Variants in AP4E1 observed in about 807,000 individuals in gnomAD.
The protein encoded by AP4E1 is AP-4 complex subunit epsilon-1.
In AP4E1, 56 loss-of-function variants were observed where a neutral mutation model predicts 128.2. The ratio of observed to expected loss-of-function variants is 0.44; its 90% CI spans 0.35 to 0.55. The LOEUF is 0.55. Among genes scored for constraint, AP4E1 ranks in the 20% least tolerant of loss-of-function variants. The pLI is 0.00. For missense variants in AP4E1, 1,324 were observed against 1,307.7 expected, an observed-to-expected ratio of 1.01 and a Z score of -0.19; for synonymous variants, 484 against 473.1, an observed-to-expected ratio of 1.02 and a Z score of -0.30.
intron 18 of AP4E1, 63 bp downstream of exon 18, chr15:50,997,946 C>T: frequency 7.8e-7 from 1 of 1,282,902 alleles, no homozygotes; most frequent in Non-Finnish European, 1.1e-6. Flanking sequence ...TTTTCCTGTG[C>T]TCTTTAAATG....
chr15:50,972,698 G>A (rs978512751), intron 15 of AP4E1, among the ~76,000 whole-genome samples: 4 of 152,308 alleles, frequency 2.6e-5, no homozygotes, highest in Non-Finnish European at 4.4e-5. Context: ...TGAGGTTGGG[G>A]CCATGGAGCT....
intron 16 of AP4E1, among the ~76,000 whole-genome samples, chr15:50,989,551 T>C (rs1291308667): frequency 6.6e-6 from 1 of 152,058 alleles, no homozygotes; most frequent in Non-Finnish European, 1.5e-5. Flanking sequence ...ATTTTGATAC[T>C]CCAAGCATGG....
Position 50,993,525 on chromosome 15 carries a change from A to T in AP4E1, c.2246A>T (p.Asp749Val). ...ENVDQAITKK[D>V]QSQVLTQSKE... ...GTAGATCAAGCTATAACTAAAAAGG[A>T]TCAATCTCAAGTTCTTACCCAATCT... Residue 749 changes from aspartate (D) to valine (V), a missense_variant, in exon 17 of 21, where the codon GAT (aspartate) becomes GTT (valine). Transcript: ENST00000261842. 1 of 1,614,032 alleles carries T rather than the reference A, an allele frequency of 6.2e-7. No individual in the cohort carries two copies. Among genetic ancestry groups the T allele is most frequent in the East Asian group, 2.2e-5 (1 of 44,844 alleles).
chr15:50,959,583 G>C (rs558523846), intron 14 of AP4E1, among the ~76,000 whole-genome samples: 1 of 152,312 alleles, frequency 6.6e-6, no homozygotes, highest in Non-Finnish European at 1.5e-5. Flanking sequence ...ACATCTGGGA[G>C]TGAAAAGATA....
chr15:50,968,471 C>G, intron 15 of AP4E1, 94 bp downstream of exon 15: 1 of 933,194 alleles, frequency 1.1e-6, no homozygotes, highest in East Asian at 2.8e-5. Flanking sequence ...TATTTACTTT[C>G]TATTATTTCT....
intron 15 of AP4E1, among the ~76,000 whole-genome samples, chr15:50,968,956 A>G (rs1025452942): frequency 2.4e-4 from 37 of 151,906 alleles, no homozygotes; most frequent in African/African-American, 8.9e-4. Flanking sequence ...TTTTTTGATA[A>G]TATATTTATT....
chr15:50,928,872 C>A, intron 5 of AP4E1, 137 bp from the exon 6 acceptor site: 1 of 846,472 alleles, frequency 1.2e-6, no homozygotes, highest in Non-Finnish European at 1.8e-6. Context: ...ATAAATTAAT[C>A]ACAAATGTAT....
At chr15:50,953,475 T>G (rs1207602199) in intron 13 of AP4E1, among the ~76,000 whole-genome samples, 1 of 152,230 alleles carries the variant, frequency 6.6e-6, no homozygotes, top group African/African-American at 2.4e-5. Context: ...TGATGAAATC[T>G]TGAGCCATCC....
At chr15:50,925,507 A>G (rs1247133428) in intron 5 of AP4E1, among the ~76,000 whole-genome samples, 3 of 152,112 alleles carry the variant, frequency 2.0e-5, no homozygotes, top group Admixed American at 6.5e-5. Context: ...TTCCTTGGCT[A>G]TATGGGGTTG....
chr15:50,910,521 C>T (rs2063553543), intron 1 of AP4E1, among the ~76,000 whole-genome samples: 1 of 152,062 alleles, frequency 6.6e-6, no homozygotes, highest in African/African-American at 2.4e-5. Flanking sequence ...AATAGAAGTG[C>T]TAAAAGAGAA....
chr15:50,925,027 A>G, intron 4 of AP4E1, 71 bp from the exon 5 acceptor site: 1 of 1,559,054 alleles, frequency 6.4e-7, no homozygotes, highest in South Asian at 1.1e-5. Context: ...TAGGACCATT[A>G]CAGTGTTGAA....
At chr15:50,944,891 G>A (rs535559923) in intron 10 of AP4E1, 59 of 812,076 alleles carry the variant, frequency 7.3e-5, no homozygotes, top group Admixed American at 1.2e-4. Context: ...AGCATCCAAA[G>A]AACCTGGCTA....
chr15:50,990,344 T>TTTATTATTATTATTATTATTATTA (rs67379169), intron 16 of AP4E1, among the ~76,000 whole-genome samples: 3 of 141,098 alleles, frequency 2.1e-5, no homozygotes, highest in East Asian at 2.1e-4. Flanking sequence ...ATTTATTTAA[T>TTTATTATTATTATTATTATTATTA]TTATTATTAT....
intron 19 of AP4E1, among the ~76,000 whole-genome samples, chr15:50,999,755 G>A (rs1029310040): frequency 6.6e-6 from 1 of 151,830 alleles, no homozygotes; most frequent in Non-Finnish European, 1.5e-5. Context: ...ACAATGTGTA[G>A]GTTAGTTACA....
chr15:50,977,606 A>T (rs181349912), intron 15 of AP4E1, among the ~76,000 whole-genome samples: 116 of 152,190 alleles, frequency 7.6e-4, no homozygotes, highest in Non-Finnish European at 1.3e-3. Flanking sequence ...TATATCTTAG[A>T]AATGGGGTTG....
chr15:50,941,915 C>G, intron 10 of AP4E1, 140 bp downstream of exon 10: 1 of 684,324 alleles, frequency 1.5e-6, no homozygotes, highest in South Asian at 1.7e-5. Context: ...GTATTTAATC[C>G]TTTTTTTGTT....
intron 15 of AP4E1, among the ~76,000 whole-genome samples, chr15:50,983,688 T>G (rs574161715): frequency 2.2e-4 from 34 of 152,216 alleles, no homozygotes; most frequent in Admixed American, 3.3e-4. Flanking sequence ...TCATTAAACA[T>G]TTTTGCATGG....
In AP4E1 at chr15:50,908,939, G is replaced by A. The variant is rs1373990970; in HGVS notation, c.150+11G>A. On this transcript the variant is annotated intron_variant, in intron 1 of 20. Coordinates refer to ENST00000261842, the MANE Select transcript of AP4E1 (RefSeq NM_007347.5). Reference sequence around the variant, plus strand: ...CTCACCTCCAAGCACGTAGGTGCCCGCCGGCCCGGGAGCTCAGGGACATCG... The same window carrying A: ...CTCACCTCCAAGCACGTAGGTGCCCACCGGCCCGGGAGCTCAGGGACATCG... 2 of 1,610,290 alleles carry A rather than the reference G, an allele frequency of 1.2e-6. No homozygotes were observed. The highest frequency in any genetic ancestry group is 1.7e-6 in the Non-Finnish European group (2 of 1,179,322).
At chr15:50,973,426 A>C (rs2064509951) in intron 15 of AP4E1, among the ~76,000 whole-genome samples, 1 of 152,166 alleles carries the variant, frequency 6.6e-6, no homozygotes, top group South Asian at 2.1e-4. Flanking sequence ...GTGGTTAAGA[A>C]CCTTAACTGG....
Sources: gnomAD v4.1 joint callset for allele counts (sites outside exome capture counted in the v4.1 genomes callset) on GRCh38, gnomAD v4.1.1 for gene constraint, MANE v1.5 for transcripts, NCBI Gene and HGNC (gene_info 2026-07-23, HGNC 2026-07-21) for gene names.